The following NALCN variants were observed in gnomAD, a reference collection of about 807,000 sequenced individuals.
NALCN encodes the protein sodium leak channel NALCN.
Under a neutral mutation model 225.3 loss-of-function variants are expected in NALCN, and 111 were observed. The ratio of observed to expected loss-of-function variants is 0.49; its 90% CI spans 0.42 to 0.58. The LOEUF (loss-of-function observed/expected upper bound fraction) is 0.58. Among genes scored for constraint, NALCN ranks in the 20% least tolerant of loss-of-function variants. The probability of loss-of-function intolerance (pLI) is 0.00; values close to 1 mark genes in which losing one functional copy is unlikely to be tolerated. For missense variants in NALCN, 1,378 were observed against 2,202.4 expected (o/e 0.63, Z 7.49); for synonymous variants, 764 against 769.0 (o/e 0.99, Z 0.11).
intron 30 of NALCN, among the ~76,000 whole-genome samples, chr13:101,084,723 T>C (rs567712619): frequency 1.3e-5 from 2 of 152,346 alleles, no homozygotes; most frequent in Non-Finnish European, 2.9e-5. Context: ...CCGAAGTTAT[T>C]CATTTTTGAT....
At chr13:101,116,563 G>A (rs775011425) in intron 18 of NALCN, 1 of 515,408 alleles carries the variant, frequency 1.9e-6, no homozygotes. Flanking sequence ...TAATGTCCCA[G>A]AACAAGGGTG....
At chr13:101,185,193 C>T (rs547125175) in intron 14 of NALCN, among the ~76,000 whole-genome samples, 23 of 152,238 alleles carry the variant, frequency 1.5e-4, no homozygotes, top group Admixed American at 4.6e-4. Context: ...AAATGGGATA[C>T]GTTCAACACA....
chr13:101,087,343 G>A (rs2033982348), intron 30 of NALCN, among the ~76,000 whole-genome samples: 1 of 152,088 alleles, frequency 6.6e-6, no homozygotes, highest in South Asian at 2.1e-4. Flanking sequence ...ACTTTTCTGT[G>A]TTTAGTGTTT....
chr13:101,337,567 C>T (rs1326193892), intron 7 of NALCN, among the ~76,000 whole-genome samples: 1 of 152,132 alleles, frequency 6.6e-6, no homozygotes, highest in Non-Finnish European at 1.5e-5. Flanking sequence ...CTCAGCCTCC[C>T]AAAGTGCTTG....
intron 13 of NALCN, among the ~76,000 whole-genome samples, chr13:101,200,470 A>C (rs530075788): frequency 5.9e-5 from 9 of 152,280 alleles, no homozygotes; most frequent in African/African-American, 2.2e-4. Flanking sequence ...TTGGTGCTGT[A>C]TTTTCCGGTT....
At chr13:101,195,321 TG>T (rs1489791038) in intron 13 of NALCN, among the ~76,000 whole-genome samples, 6 of 152,230 alleles carry the variant, frequency 3.9e-5, no homozygotes, top group African/African-American at 7.2e-5. Flanking sequence ...ATCTTTTATC[TG>T]CCATGTATGT....
intron 22 of NALCN, among the ~76,000 whole-genome samples, chr13:101,107,030 A>G (rs914080766): frequency 3.9e-5 from 6 of 152,158 alleles, no homozygotes; most frequent in Admixed American, 3.9e-4. Flanking sequence ...TTTCCTTCTT[A>G]TAACAGTTGG....
At position 101,253,057 on chromosome 13, in the gene NALCN, A is replaced by G. The variant is rs537028562; in HGVS notation, c.1266+5386T>C. ...ATTTTAAAATGTAATCATGTTCATT[A>G]TAACATATGATTTAATGTGCAATAA... On this transcript the variant is annotated intron_variant, in intron 11 of 43. Coordinates refer to ENST00000251127, the MANE Select transcript of NALCN (RefSeq NM_052867.4). Among the ~76,000 whole-genome samples, 61 of 152,254 alleles carry G rather than the reference A, an allele frequency of 4.0e-4. 1 individual carries two copies. Among genetic ancestry groups the G allele is most frequent in the African/African-American group, 1.5e-3 (61 of 41,568 alleles).
intron 14 of NALCN, among the ~76,000 whole-genome samples, chr13:101,189,448 T>C (rs936801713): frequency 1.3e-5 from 2 of 152,228 alleles, no homozygotes; most frequent in African/African-American, 4.8e-5. Context: ...GCTGGTGCTC[T>C]AAAACATCCT....
At chr13:101,058,203 G>C in intron 42 of NALCN, 147 bp from the exon 43 acceptor site, 1 of 637,774 alleles carries the variant, frequency 1.6e-6, no homozygotes, top group Non-Finnish European at 2.7e-6. Context: ...AAGTGAAAAT[G>C]GGTATAAAGG....
chr13:101,143,521 A>G (rs953014474), intron 16 of NALCN, among the ~76,000 whole-genome samples: 9 of 151,582 alleles, frequency 5.9e-5, no homozygotes, highest in African/African-American at 2.2e-4. Flanking sequence ...CTGGAGTGCA[A>G]TGGTGCAATC....
At chr13:101,248,983 C>G (rs922261295) in intron 11 of NALCN, among the ~76,000 whole-genome samples, 1 of 152,058 alleles carries the variant, frequency 6.6e-6, no homozygotes, top group Non-Finnish European at 1.5e-5. Context: ...CCCTGGAACC[C>G]CCTGAGCTTA....
chr13:101,078,259 C>G lies in NALCN; in HGVS notation c.3886-2318G>C, dbSNP rs560780787. 4.6e-5 allele frequency among the ~76,000 whole-genome samples: 7 copies of G among 152,100 alleles called. No individual in the cohort carries two copies. In the South Asian group the frequency reaches 1.5e-3, roughly 32 times the overall value. ...TCCACACACAGAGTCCCCACTGGAG[C>G]ACTGCCTAGTGGAGCTGTGAGAAGA... is the stretch of plus-strand genomic sequence containing the variant. On this transcript the variant is annotated intron_variant, in intron 34 of 43. Coordinates refer to ENST00000251127, the MANE Select transcript of NALCN (RefSeq NM_052867.4).
chr13:101,278,273 C>T (rs2043027991), intron 10 of NALCN, among the ~76,000 whole-genome samples: 1 of 151,996 alleles, frequency 6.6e-6, no homozygotes, highest in African/African-American at 2.4e-5. Context: ...ACCTGTAATC[C>T]CAGCACTTTG....
chr13:101,405,294 C>T (rs2047585616), intron 1 of NALCN, among the ~76,000 whole-genome samples: 1 of 152,180 alleles, frequency 6.6e-6, no homozygotes, highest in South Asian at 2.1e-4. Flanking sequence ...AAGACATGTC[C>T]ATTCAGAGCA....
intron 15 of NALCN, among the ~76,000 whole-genome samples, chr13:101,149,663 A>C (rs1007440759): frequency 9.2e-5 from 14 of 152,222 alleles, no homozygotes; most frequent in Admixed American, 2.0e-4. Context: ...ACGATTGTGC[A>C]AACCTGGCAT....
At chr13:101,219,690 T>G (rs1158546246) in intron 13 of NALCN, among the ~76,000 whole-genome samples, 1 of 152,198 alleles carries the variant, frequency 6.6e-6, no homozygotes, top group Non-Finnish European at 1.5e-5. Flanking sequence ...CCAGAGGCCT[T>G]TCCTTCCAGG....
intron 17 of NALCN, among the ~76,000 whole-genome samples, chr13:101,129,477 G>A (rs1169590238): frequency 6.6e-6 from 1 of 152,100 alleles, no homozygotes; most frequent in Non-Finnish European, 1.5e-5. Context: ...CGTAGTCTTT[G>A]ACAAAGCTTC....
At chr13:101,401,440 G>A (rs1161392737) in intron 1 of NALCN, among the ~76,000 whole-genome samples, 1 of 152,112 alleles carries the variant, frequency 6.6e-6, no homozygotes. Flanking sequence ...ATACAAAGGA[G>A]CAAGTAAAAG....
Sources: allele counts gnomAD v4.1 joint callset (sites outside exome capture counted in the v4.1 genomes callset), GRCh38; gene constraint gnomAD v4.1.1; transcripts MANE v1.5; gene names NCBI Gene and HGNC (gene_info 2026-07-23, HGNC 2026-07-21).